DSCAM: variants seen among roughly 807,000 people sequenced by gnomAD.
DSCAM encodes cell adhesion molecule DSCAM.
In DSCAM, 47 loss-of-function variants were observed where a neutral mutation model predicts 217.7. That is an observed-to-expected ratio of 0.22 (90% CI 0.17 to 0.28). The LOEUF (loss-of-function observed/expected upper bound fraction) is 0.28, where lower values mean the gene tolerates loss of function less well. DSCAM is among the 10% of genes least tolerant of loss of function. DSCAM has a pLI of 1.00. For synonymous variants in DSCAM, 1,056 were observed against 1,015.3 expected (o/e 1.04, Z -0.76); for missense variants, 2,080 against 2,618.3 (o/e 0.79, Z 4.49).
At chr21:40,172,450 T>C (rs570787986) in intron 15 of DSCAM, among the ~76,000 whole-genome samples, 3 of 152,376 alleles carry the variant, frequency 2.0e-5, no homozygotes, top group African/African-American at 7.2e-5. Context: ...CACCTCCTGA[T>C]TGCCAAACGC....
At chr21:40,379,569 C>T (rs1316787338) in intron 3 of DSCAM, among the ~76,000 whole-genome samples, 1 of 152,140 alleles carries the variant, frequency 6.6e-6, no homozygotes, top group East Asian at 1.9e-4. Flanking sequence ...TAGCTGATCT[C>T]TGTCTCTTCC....
In DSCAM at chr21:40,093,838, A is replaced by C; in HGVS notation, c.3733T>G (p.Ser1245Ala). Reference protein sequence around the residue: ...SEFEASPDSFSYRIPNLSRNR... With the variant: ...SEFEASPDSFAYRIPNLSRNR... ...CTACTCAGGTTGGGAATTCTGTAGG[A>C]AAACGAGTCGGGAGAGGCCTCAAAC... The change falls in exon 21 of 33, where the codon TCC (serine) becomes GCC (alanine). Residue 1245 changes from serine to alanine, a missense_variant. This residue lies in a region of DSCAM where 1,144 missense variants were observed against 1,421.1 expected (regional missense o/e 0.81). Coordinates refer to ENST00000400454, the MANE Select transcript of DSCAM (RefSeq NM_001389.5). The C allele has an allele frequency of 6.2e-7, 1 of 1,614,002 alleles. No individual in the cohort carries two copies. The highest frequency in any genetic ancestry group is 8.5e-7 in the Non-Finnish European group (1 of 1,179,978).
intron 10 of DSCAM, among the ~76,000 whole-genome samples, chr21:40,291,758 T>G (rs113074102): frequency 2.6e-5 from 4 of 152,304 alleles, no homozygotes; most frequent in African/African-American, 9.6e-5. Context: ...CCCATTGTCC[T>G]CCAGCGTCAC....
At chr21:40,248,182 G>A (rs2073252594) in intron 11 of DSCAM, among the ~76,000 whole-genome samples, 2 of 152,162 alleles carry the variant, frequency 1.3e-5, no homozygotes, top group Admixed American at 1.3e-4. Flanking sequence ...AAGAACGGCT[G>A]CTATGAAGAC....
chr21:40,454,188 C>T (rs564832916), intron 3 of DSCAM, among the ~76,000 whole-genome samples: 71 of 152,268 alleles, frequency 4.7e-4, no homozygotes, highest in Admixed American at 9.8e-4. Flanking sequence ...AAACTCTCAC[C>T]ATGTTCAGGG....
chr21:40,764,455 C>T (rs1393747143), intron 1 of DSCAM, among the ~76,000 whole-genome samples: 3 of 152,034 alleles, frequency 2.0e-5, no homozygotes, highest in South Asian at 2.1e-4. Context: ...AAACAACAGA[C>T]GCTGGTGAGG....
chr21:40,487,157 G>T (rs977534344), intron 3 of DSCAM, among the ~76,000 whole-genome samples: 4 of 151,776 alleles, frequency 2.6e-5, no homozygotes, highest in Admixed American at 1.3e-4. Context: ...GTAATTCCTG[G>T]TTCTGACTTA....
intron 28 of DSCAM, among the ~76,000 whole-genome samples, chr21:40,056,894 C>T (rs892592158): frequency 7.9e-5 from 12 of 152,162 alleles, no homozygotes; most frequent in East Asian, 5.8e-4. Flanking sequence ...CCCCTCTAAC[C>T]GAGCCATTTA....
intron 11 of DSCAM, among the ~76,000 whole-genome samples, chr21:40,225,129 G>A (rs576465182): frequency 2.6e-4 from 40 of 152,318 alleles, no homozygotes; most frequent in African/African-American, 8.7e-4. Context: ...CCAACTGCAT[G>A]AAAGACACTG....
chr21:40,042,097 G>T (rs982059679), intron 32 of DSCAM, among the ~76,000 whole-genome samples: 1 of 152,114 alleles, frequency 6.6e-6, no homozygotes, highest in African/African-American at 2.4e-5. Flanking sequence ...CAGCCAGGTC[G>T]GTGAGCCACT....
intron 9 of DSCAM, among the ~76,000 whole-genome samples, chr21:40,298,363 G>C (rs1213759570): frequency 1.3e-5 from 2 of 152,106 alleles, no homozygotes; most frequent in East Asian, 3.9e-4. Flanking sequence ...TTACAGGCGT[G>C]AGCCACTGCG....
intron 3 of DSCAM, among the ~76,000 whole-genome samples, chr21:40,539,545 TTTTA>T (rs752929492): frequency 1.1e-3 from 165 of 151,750 alleles, no homozygotes; most frequent in Non-Finnish European, 2.1e-3. Flanking sequence ...TCCAGTGAAA[TTTTA>T]TTTGAGAAAA....
chr21:40,064,870 G>C (rs2089182829), intron 27 of DSCAM, among the ~76,000 whole-genome samples: 1 of 152,158 alleles, frequency 6.6e-6, no homozygotes, highest in African/African-American at 2.4e-5. Flanking sequence ...CAAAGGGAGA[G>C]AGGAAAAAGG....
chr21:40,553,127 C>G (rs2076643619), intron 3 of DSCAM, among the ~76,000 whole-genome samples: 1 of 152,184 alleles, frequency 6.6e-6, no homozygotes, highest in South Asian at 2.1e-4. Flanking sequence ...GACAAAGCCT[C>G]TTAGGGACAG....
intron 3 of DSCAM, among the ~76,000 whole-genome samples, chr21:40,560,047 C>G (rs989107533): frequency 2.6e-5 from 4 of 152,130 alleles, no homozygotes; most frequent in African/African-American, 9.7e-5. Context: ...CCCGCCTTGG[C>G]CTCCCAAAGT....
At chr21:40,147,881 T>A (rs1022571335) in intron 16 of DSCAM, among the ~76,000 whole-genome samples, 2 of 152,232 alleles carry the variant, frequency 1.3e-5, no homozygotes, top group African/African-American at 2.4e-5. Flanking sequence ...CAGGTTTATT[T>A]ACTACCACAA....
chr21:40,639,115 TCGTC>T lies in DSCAM; in HGVS notation c.508+53691_508+53694del, dbSNP rs1478637501. On this transcript the variant is annotated intron_variant, in intron 3 of 32. Coordinates refer to ENST00000400454, the MANE Select transcript of DSCAM (RefSeq NM_001389.5). ...ACAGCAGCCTCTGTGTCCCTCACAC[TCGTC>T]CATTTTGGTCCATTTTGGTCCATTT... Among the ~76,000 whole-genome samples, 26 of 151,250 alleles carry T rather than the reference TCGTC, an allele frequency of 1.7e-4. 1 individual carries two copies. Among genetic ancestry groups the T allele is most frequent in the African/African-American group, 5.8e-4 (24 of 41,118 alleles).
chr21:40,473,436 G>A (rs1377789707), intron 3 of DSCAM, among the ~76,000 whole-genome samples: 1 of 152,196 alleles, frequency 6.6e-6, no homozygotes, highest in Non-Finnish European at 1.5e-5. Context: ...CCAACCTAAT[G>A]GCTGCCATGC....
At chr21:40,228,129 G>C (rs965766682) in intron 11 of DSCAM, among the ~76,000 whole-genome samples, 1 of 152,158 alleles carries the variant, frequency 6.6e-6, no homozygotes, top group Non-Finnish European at 1.5e-5. Flanking sequence ...CGGAGGTAAA[G>C]TACCATTCTC....
Sources: gnomAD v4.1 joint callset for allele counts (sites outside exome capture counted in the v4.1 genomes callset) on GRCh38, gnomAD v4.1.1 for gene constraint, gnomAD v4.1.1 regional missense constraint, MANE v1.5 for transcripts, NCBI Gene and HGNC (gene_info 2026-07-23, HGNC 2026-07-21) for gene names.